INTU: variants seen among roughly 807,000 people sequenced by gnomAD.
INTU encodes the protein inturned planar cell polarity protein.
INTU carries 68 observed loss-of-function variants against 100.5 expected under a neutral mutation model. The observed-to-expected ratio is 0.68, with a 90% CI of 0.56 to 0.83. The LOEUF (loss-of-function observed/expected upper bound fraction) is 0.83, where lower values mean the gene tolerates loss of function less well. Ranked by LOEUF, INTU falls within the 40% of genes least tolerant of loss-of-function variation. The pLI is 0.00. For synonymous variants in INTU, 357 were observed against 395.7 expected (o/e 0.90, Z 1.16); for missense variants, 1,071 against 1,114.7 (o/e 0.96, Z 0.56).
intron 6 of INTU, among the ~76,000 whole-genome samples, chr4:127,681,725 G>A (rs140496523): frequency 0.038 from 5,727 of 152,104 alleles, 366 homozygotes; most frequent in African/African-American, 0.13. Flanking sequence ...ACCAAAAGCA[G>A]TGGCAACAAA....
chr4:127,685,408 C>G (rs1363483431), intron 7 of INTU: 2 of 454,456 alleles, frequency 4.4e-6, no homozygotes, highest in Admixed American at 2.4e-5. Context: ...CTCTGTTTAT[C>G]TATAGTGGAT....
intron 2 of INTU, among the ~76,000 whole-genome samples, chr4:127,652,782 T>G (rs1387578049): frequency 7.7e-6 from 1 of 130,014 alleles, no homozygotes; most frequent in Non-Finnish European, 1.6e-5. Flanking sequence ...ATTGGAATAG[T>G]TTCAGAAGGA....
At chr4:127,663,335 G>A in intron 3 of INTU, 46 bp from the exon 4 acceptor site, 1 of 1,434,254 alleles carries the variant, frequency 7.0e-7, no homozygotes, top group African/African-American at 1.4e-5. Context: ...AACTGCAGCT[G>A]ATTTTCCCTT....
intron 1 of INTU, among the ~76,000 whole-genome samples, chr4:127,638,117 G>A (rs1390103392): frequency 6.6e-6 from 1 of 152,214 alleles, no homozygotes; most frequent in Non-Finnish European, 1.5e-5. Flanking sequence ...ATTGTTGGTA[G>A]ACAGAACACA....
At position 127,688,524 on chromosome 4, in the gene INTU, T is replaced by C. The variant is rs544503132; in HGVS notation, c.1449+657T>C. Among the ~76,000 whole-genome samples the C allele has an allele frequency of 2.6e-5, 4 of 152,342 alleles. 1 individual carries two copies. The South Asian group carries it at 8.3e-4, about 32-fold the overall frequency. ...TAGTATTAAATGAGGCATTATGCCA[T>C]AGCCACTTCTCTGCTCTTGAAGAAA... On this transcript the variant is annotated intron_variant, in intron 8 of 15. Transcript: ENST00000335251.
intron 9 of INTU, among the ~76,000 whole-genome samples, chr4:127,701,181 C>T (rs1730632214): frequency 6.6e-6 from 1 of 152,072 alleles, no homozygotes; most frequent in Admixed American, 6.6e-5. Context: ...GAAAAGGAGG[C>T]ATGTTAAGTT....
rs1731288847 is a variant in INTU at position 127,717,742 on chromosome 4, A to C, written c.*1306A>C. The C allele has an allele frequency of 6.6e-6, 1 of 152,092 alleles. No individual in the cohort carries two copies. Among genetic ancestry groups the C allele is most frequent in the East Asian group, 1.9e-4 (1 of 5,186 alleles). The allele number at this position is 152,092 out of a possible 1,614,324, so 9.4% of individuals were successfully genotyped here. ...ATTTGCATTTCTCTAACAATCAGTGATATTGAGCTTTTTTTTCATATGTTT... is the reference window on the plus strand; with the variant it reads ...ATTTGCATTTCTCTAACAATCAGTGCTATTGAGCTTTTTTTTCATATGTTT... On this transcript the variant is annotated 3_prime_UTR_variant, in exon 16 of 16. Transcript: ENST00000335251.
chr4:127,649,509 A>ATT (rs77512546), intron 2 of INTU, among the ~76,000 whole-genome samples: 2 of 146,536 alleles, frequency 1.4e-5, no homozygotes, highest in African/African-American at 5.0e-5. Flanking sequence ...AGTGCTTCCA[A>ATT]TTTTTTTTTT....
At chr4:127,688,266 T>C (rs987593399) in intron 8 of INTU, among the ~76,000 whole-genome samples, 2 of 152,038 alleles carry the variant, frequency 1.3e-5, no homozygotes, top group South Asian at 2.1e-4. Flanking sequence ...AAATACAAAG[T>C]CCACTAGTCT....
intron 5 of INTU, among the ~76,000 whole-genome samples, chr4:127,670,465 A>G (rs894675192): frequency 2.6e-5 from 4 of 151,996 alleles, no homozygotes; most frequent in Non-Finnish European, 5.9e-5. Flanking sequence ...TTTATTTTCA[A>G]TACAGTAGTA....
intron 7 of INTU, chr4:127,685,855 T>C (rs1729798908): frequency 6.5e-6 from 1 of 152,734 alleles, no homozygotes; most frequent in Admixed American, 6.5e-5. Context: ...GGACTTAATT[T>C]CTCTTTCATC....
At chr4:127,652,482 G>A (rs1328047052) in intron 2 of INTU, among the ~76,000 whole-genome samples, 1 of 74,090 alleles carries the variant, frequency 1.3e-5, no homozygotes, top group African/African-American at 6.9e-5. Context: ...AGATAATCAT[G>A]TGGTTTTTGT....
intron 5 of INTU, among the ~76,000 whole-genome samples, chr4:127,673,018 A>G (rs1179462718): frequency 1.3e-5 from 2 of 152,234 alleles, no homozygotes; most frequent in East Asian, 1.9e-4. Flanking sequence ...CCTTGAGAAC[A>G]CATTTAAATC....
Position 127,706,911 on chromosome 4 carries a change from G to A in INTU, c.2213G>A (p.Arg738Gln), listed in dbSNP as rs142903075. ...FSPHTTPDAVRKQRESQGSDG... is the reference protein window; with the variant it reads ...FSPHTTPDAVQKQRESQGSDG... The stretch of plus-strand genomic sequence containing the variant: ...CCCCATACTACACCGGATGCAGTAC[G>A]GAAGCAAAGAGAATCTCAGGGCTCT... Residue 738 changes from arginine to glutamine, a missense_variant, in exon 12 of 16, where the codon CGG becomes CAG. Arg to Gln is a conservative substitution (Grantham distance 43). Coordinates refer to ENST00000335251, the MANE Select transcript of INTU (RefSeq NM_015693.4). 340 of 1,614,042 alleles carry A rather than the reference G, an allele frequency of 2.1e-4. No homozygotes were observed. In the East Asian group the frequency reaches 5.5e-3, roughly 26 times the overall value.
At chr4:127,654,361 C>T (rs540523514) in intron 2 of INTU, among the ~76,000 whole-genome samples, 13 of 152,228 alleles carry the variant, frequency 8.5e-5, no homozygotes, top group Admixed American at 2.0e-4. Flanking sequence ...CGGCCGGTAC[C>T]GGTTGTTCCT....
chr4:127,691,890 A>G (rs1730144428), intron 8 of INTU, among the ~76,000 whole-genome samples: 2 of 148,950 alleles, frequency 1.3e-5, no homozygotes, highest in Admixed American at 6.8e-5. Context: ...AATAGTCTCC[A>G]ATTCCATCCA....
chr4:127,714,419 C>G (rs1212959834), intron 15 of INTU, among the ~76,000 whole-genome samples: 3 of 152,050 alleles, frequency 2.0e-5, no homozygotes, highest in Non-Finnish European at 4.4e-5. Context: ...TTCTTCCCTT[C>G]CCCTCTCTCT....
intron 2 of INTU, among the ~76,000 whole-genome samples, chr4:127,651,658 C>A (rs923444410): frequency 4.6e-5 from 7 of 152,116 alleles, no homozygotes; most frequent in African/African-American, 1.7e-4. Flanking sequence ...AGGGTGATGC[C>A]TACAGCTTTG....
At position 127,718,907 on chromosome 4, in the gene INTU, A is replaced by T. The variant is rs1162995064; in HGVS notation, c.*2471A>T. 2.0e-5 allele frequency: 3 copies of T among 152,148 alleles called. No homozygotes were observed. The highest frequency in any genetic ancestry group is 6.6e-5 in the Admixed American group (1 of 15,264). 9.4% of individuals were successfully genotyped at this position (152,148 alleles called of 1,614,324 possible). On this transcript the variant is annotated 3_prime_UTR_variant, in exon 16 of 16. Transcript: ENST00000335251. ...GGGCTGAGACAATGGGGTTTTCTAG[A>T]TATAGGATAATGTCCTCTGCAAACA...
Sources: allele counts gnomAD v4.1 joint callset (sites outside exome capture counted in the v4.1 genomes callset), GRCh38; gene constraint gnomAD v4.1.1; transcripts MANE v1.5; gene names NCBI Gene and HGNC (gene_info 2026-07-23, HGNC 2026-07-21).